Variants in SOBP observed in about 807,000 individuals in gnomAD.
The protein encoded by SOBP is sine oculis binding protein homolog.
A neutral mutation model predicts 53.6 loss-of-function variants in SOBP; 4 were observed. The ratio of observed to expected loss-of-function variants is 0.07; its 90% CI spans 0.04 to 0.17. SOBP has a LOEUF of 0.17. Among genes scored for constraint, SOBP ranks in the 10% least tolerant of loss-of-function variants. SOBP has a pLI of 1.00. For synonymous variants in SOBP, 584 were observed against 522.6 expected (o/e 1.12, Z -1.60); for missense variants, 1,088 against 1,204.7 (o/e 0.90, Z 1.43).
intron 3 of SOBP, among the ~76,000 whole-genome samples, chr6:107,513,196 C>T (rs1211123971): frequency 6.6e-6 from 1 of 152,190 alleles, no homozygotes; most frequent in Non-Finnish European, 1.5e-5. Flanking sequence ...TCTTATCTTT[C>T]TTTGAAAACA....
intron 4 of SOBP, among the ~76,000 whole-genome samples, chr6:107,548,923 C>T (rs1784383764): frequency 6.6e-6 from 1 of 151,842 alleles, no homozygotes; most frequent in Non-Finnish European, 1.5e-5. Flanking sequence ...GGTGACAGAG[C>T]AAGACCTTAT....
At chr6:107,564,296 C>T (rs926115933) in intron 4 of SOBP, among the ~76,000 whole-genome samples, 1 of 152,154 alleles carries the variant, frequency 6.6e-6, no homozygotes, top group African/African-American at 2.4e-5. Flanking sequence ...ATAAAACACT[C>T]TCCTGTAGTT....
chr6:107,604,749 G>C (rs960623984), intron 5 of SOBP, among the ~76,000 whole-genome samples: 1 of 152,156 alleles, frequency 6.6e-6, no homozygotes, highest in Non-Finnish European at 1.5e-5. Flanking sequence ...GCCCTGAAGC[G>C]GGGTGAGGTT....
chr6:107,528,471 T>G (rs766493641), intron 3 of SOBP, among the ~76,000 whole-genome samples: 1 of 152,208 alleles, frequency 6.6e-6, no homozygotes, highest in Non-Finnish European at 1.5e-5. Flanking sequence ...CACATATTAT[T>G]GGGCCTGTCT....
At chr6:107,515,299 CAAAG>C (rs1012484406) in intron 3 of SOBP, among the ~76,000 whole-genome samples, 4 of 151,928 alleles carry the variant, frequency 2.6e-5, no homozygotes, top group South Asian at 2.1e-4. Context: ...AAAAAACAAA[CAAAG>C]AAAAGAAGTT....
intron 4 of SOBP, among the ~76,000 whole-genome samples, chr6:107,548,526 G>A (rs2115007723): frequency 6.6e-6 from 1 of 152,230 alleles, no homozygotes. Flanking sequence ...ACAGGCGTGA[G>A]CCACCGCGCC....
At chr6:107,590,376 G>C (rs562667038) in intron 5 of SOBP, among the ~76,000 whole-genome samples, 3 of 152,310 alleles carry the variant, frequency 2.0e-5, no homozygotes, top group African/African-American at 7.2e-5. Context: ...GAACATCCCT[G>C]TGTTCAGGAA....
rs1317420466 is a variant in SOBP, at chr6:107,658,907, T to G, written c.*704T>G. On this transcript the variant is annotated 3_prime_UTR_variant, in exon 7 of 7. Transcript: ENST00000317357. Reference sequence around the variant, plus strand: ...CTTTTAATTTTCGATTTGACAGATGTAAGAAGCAGCATGAATAGTTTATAC... The same window carrying G: ...CTTTTAATTTTCGATTTGACAGATGGAAGAAGCAGCATGAATAGTTTATAC... 1 of 152,682 alleles carries G rather than the reference T, an allele frequency of 6.5e-6. No individual in the cohort carries two copies. Among genetic ancestry groups the G allele is most frequent in the Non-Finnish European group, 1.5e-5 (1 of 68,046 alleles). The allele number at this position is 152,682 out of a possible 1,614,324, so 9.5% of individuals were successfully genotyped here. A position where few individuals can be genotyped will look rare whatever the true frequency, so the allele number is the denominator to read the frequency against.
intron 6 of SOBP, among the ~76,000 whole-genome samples, chr6:107,656,289 A>AAAC (rs1554193485): frequency 3.9e-5 from 1 of 25,688 alleles, no homozygotes; most frequent in East Asian, 1.5e-3. Context: ...AAAGAAAGAA[A>AAAC]AGAAAGAAAG....
At chr6:107,612,805 A>T (rs556394029) in intron 5 of SOBP, among the ~76,000 whole-genome samples, 8 of 152,166 alleles carry the variant, frequency 5.3e-5, no homozygotes, top group African/African-American at 1.7e-4. Context: ...GTCTCTATGA[A>T]TTTGTCTATT....
At chr6:107,652,086 C>T (rs1302477818) in intron 6 of SOBP, among the ~76,000 whole-genome samples, 1 of 152,160 alleles carries the variant, frequency 6.6e-6, no homozygotes, top group Non-Finnish European at 1.5e-5. Context: ...ATTCTGCAGC[C>T]CATGGATCAA....
At chr6:107,514,914 T>A (rs1318082978) in intron 3 of SOBP, 1 of 152,252 alleles carries the variant, frequency 6.6e-6, no homozygotes, top group East Asian at 1.9e-4. Context: ...GCCAGAAGTC[T>A]GATGAAAGAT....
At chr6:107,644,390 C>T (rs1377543142) in intron 6 of SOBP, among the ~76,000 whole-genome samples, 1 of 152,210 alleles carries the variant, frequency 6.6e-6, no homozygotes, top group Non-Finnish European at 1.5e-5. Flanking sequence ...TATTGTTCCT[C>T]TGAAATGTCT....
At chr6:107,510,689 C>T (rs1783145218) in intron 3 of SOBP, 1 of 152,102 alleles carries the variant, frequency 6.6e-6, no homozygotes, top group Admixed American at 6.5e-5. Flanking sequence ...AAAACTTTTA[C>T]CAGAGTTGTG....
intron 4 of SOBP, among the ~76,000 whole-genome samples, chr6:107,551,721 T>TA: frequency 6.6e-6 from 1 of 152,224 alleles, no homozygotes. Flanking sequence ...TTATTTCATT[T>TA]AAAAAATTGT....
At chr6:107,506,480 A>T in intron 3 of SOBP, 53 bp downstream of exon 3, 2 of 1,592,382 alleles carry the variant, frequency 1.3e-6, no homozygotes, top group South Asian at 1.1e-5. Flanking sequence ...AGTTGTTTTA[A>T]CCATCTTAGG....
rs75253718 is a variant in SOBP at position 107,559,553 on chromosome 6, A to G, written c.573+25943A>G. Among the ~76,000 whole-genome samples, 73 of 152,364 alleles carry G rather than the reference A, an allele frequency of 4.8e-4. No homozygotes were observed. In the East Asian group the frequency reaches 0.012, roughly 26 times the overall value. ...CCACGTTCGCCTAGTCCTGTCAAGA[A>G]TAAATGGATCCACAGTCAGAGGATC... On this transcript the variant is annotated intron_variant, in intron 4 of 6. Coordinates refer to ENST00000317357, the MANE Select transcript of SOBP (RefSeq NM_018013.4).
intron 3 of SOBP, among the ~76,000 whole-genome samples, chr6:107,509,206 C>T (rs1783088510): frequency 6.6e-6 from 1 of 151,952 alleles, no homozygotes; most frequent in African/African-American, 2.4e-5. Flanking sequence ...ACCAGCCTGA[C>T]CAACATGGAG....
At position 107,614,300 on chromosome 6, in the gene SOBP, G is replaced by T. The variant is rs1002998736; in HGVS notation, c.670-19214G>T. 2.4e-4 allele frequency among the ~76,000 whole-genome samples: 37 copies of T among 152,354 alleles called. No homozygotes were observed. The Middle Eastern group carries it at 0.014, about 56-fold the overall frequency. On this transcript the variant is annotated intron_variant, in intron 5 of 6. Coordinates refer to ENST00000317357, the MANE Select transcript of SOBP (RefSeq NM_018013.4). ...TGTGGTCCCAGCTACTTGGGAGGCT[G>T]CAGCAGGAGGATCCCTTGAGCCCAG... is the stretch of plus-strand genomic sequence containing the variant.
Sources: gnomAD v4.1 joint callset for allele counts (sites outside exome capture counted in the v4.1 genomes callset) on GRCh38, gnomAD v4.1.1 for gene constraint, MANE v1.5 for transcripts, NCBI Gene and HGNC (gene_info 2026-07-23, HGNC 2026-07-21) for gene names.